ANXA8: variants seen among roughly 807,000 people sequenced by gnomAD.
The protein encoded by ANXA8 is VAC-beta.
ANXA8 carries 9 observed loss-of-function variants against 26.8 expected under a neutral mutation model. That is an observed-to-expected ratio of 0.34 (90% CI 0.20 to 0.59). ANXA8 has a LOEUF of 0.59. Among genes scored for constraint, ANXA8 ranks in the 20% least tolerant of loss-of-function variants. The probability of loss-of-function intolerance (pLI) is 0.84; values close to 1 mark genes in which losing one functional copy is unlikely to be tolerated. For synonymous variants in ANXA8, 39 were observed against 94.8 expected, an observed-to-expected ratio of 0.41 and a Z score of 3.42; for missense variants, 83 against 238.5, an observed-to-expected ratio of 0.35 and a Z score of 4.29.
the ANXA8 span, among the ~76,000 whole-genome samples, chr10:47,967,040 T>C: frequency 0.69 from 101,318 of 146,144 alleles, 35,000 homozygotes; most frequent in Non-Finnish European, 0.8. Context: ...CAGCATTTCA[T>C]ATCAAAGCTC....
At chr10:47,505,404 C>A in the ANXA8 span, among the ~76,000 whole-genome samples, 1 of 114,080 alleles carries the variant, frequency 8.8e-6, no homozygotes, top group Admixed American at 9.8e-5. Flanking sequence ...TTCTTAAGAA[C>A]GTCTTTGATG....
chr10:47,488,872 T>C (rs1189061248), upstream of ANXA8, among the ~76,000 whole-genome samples: 12 of 128,422 alleles, frequency 9.3e-5, no homozygotes, highest in East Asian at 2.8e-4. Context: ...GGACTACAGG[T>C]GCCCGCCACC....
the ANXA8 span, among the ~76,000 whole-genome samples, chr10:47,733,223 CTT>C: frequency 8.6e-3 from 536 of 62,232 alleles, 2 homozygotes; most frequent in Admixed American, 0.013. Flanking sequence ...CTTTCTTTCT[CTT>C]TCTTTCTCTC....
chr10:47,504,846 CTTTTTTT>C, the ANXA8 span, among the ~76,000 whole-genome samples: 32 of 46,698 alleles, frequency 6.9e-4, no homozygotes, highest in Admixed American at 1.2e-3. Context: ...CATAACTGTT[CTTTTTTT>C]TTTTTTTTTT....
At chr10:47,942,466 G>T in the ANXA8 span, among the ~76,000 whole-genome samples, 1 of 141,288 alleles carries the variant, frequency 7.1e-6, no homozygotes, top group Non-Finnish European at 1.5e-5. Context: ...ATGGCATTCT[G>T]TCTGGTGACA....
At chr10:47,510,054 A>C in the ANXA8 span, 4 of 1,486,370 alleles carry the variant, frequency 2.7e-6, no homozygotes, top group Non-Finnish European at 2.7e-6. Context: ...TCAGAATCTG[A>C]ATATCAATAT....
chr10:47,761,092 ACACACACACG>A, the ANXA8 span, among the ~76,000 whole-genome samples: 3 of 106,826 alleles, frequency 2.8e-5, no homozygotes, highest in African/African-American at 6.5e-5. Flanking sequence ...GGCAACACAC[ACACACACACG>A]CACACACACA....
chr10:47,901,066 A>G, the ANXA8 span, among the ~76,000 whole-genome samples: 6 of 138,338 alleles, frequency 4.3e-5, no homozygotes, highest in Admixed American at 1.4e-4. Flanking sequence ...AACTGGCGGG[A>G]AAAAAAAAAG....
the ANXA8 span, among the ~76,000 whole-genome samples, chr10:47,768,302 T>A: frequency 6.6e-6 from 1 of 151,542 alleles, no homozygotes; most frequent in African/African-American, 2.4e-5. Flanking sequence ...GGAACAGCAA[T>A]GTGCTCAGTC....
the ANXA8 span, among the ~76,000 whole-genome samples, chr10:47,671,823 G>A: frequency 6.6e-6 from 1 of 151,354 alleles, no homozygotes; most frequent in Non-Finnish European, 1.5e-5. Flanking sequence ...CTCTAGCAAT[G>A]GAAAAAAATA....
chr10:47,707,167 CAAAA>C, the ANXA8 span, among the ~76,000 whole-genome samples: 1 of 124,134 alleles, frequency 8.1e-6, no homozygotes, highest in African/African-American at 3.5e-5. Flanking sequence ...CTGCAAACCT[CAAAA>C]AAACAAAAAA....
chr10:47,619,828 A>G, the ANXA8 span, among the ~76,000 whole-genome samples: 1 of 114,318 alleles, frequency 8.7e-6, no homozygotes, highest in Non-Finnish European at 1.9e-5. Context: ...TAACAGAAGC[A>G]GATTAATTGA....
chr10:47,497,137 A>G, the ANXA8 span, among the ~76,000 whole-genome samples: 1 of 149,632 alleles, frequency 6.7e-6, no homozygotes, highest in Non-Finnish European at 1.5e-5. Flanking sequence ...CTTGATCAAC[A>G]TGGAGAAACC....
chr10:47,474,041 G>C lies in ANXA8; in HGVS notation c.671C>G (p.Ala224Gly). The C allele has an allele frequency of 1.8e-6, 1 of 547,444 alleles. No individual in the cohort carries two copies. The highest frequency in any genetic ancestry group is 2.0e-5 in the South Asian group (1 of 48,826). 33.9% of individuals were successfully genotyped at this position (547,444 alleles called of 1,614,324 possible). Residue 224 changes from alanine to glycine, a missense_variant, in exon 9 of 12, where the codon GCC becomes GGC. By Grantham distance (60) the Ala-to-Gly change is moderately conservative. Around this residue, in one of 6 missense-constraint regions of ANXA8, gnomAD observed 28 missense variants for 37.7 expected, o/e 0.74. Coordinates refer to ENST00000585281, the MANE Select transcript of ANXA8 (RefSeq NM_001040084.3). ...GATGCTGTCCTCAATGCTCTTGTTG[G>C]CAATTTTCTCATACTCTTCAAACAC... Reference protein sequence around the residue: ...LRVFEEYEKIANKSIEDSIKS... With the variant: ...LRVFEEYEKIGNKSIEDSIKS...
the ANXA8 span, among the ~76,000 whole-genome samples, chr10:47,685,346 CA>C: frequency 0.016 from 1,305 of 82,870 alleles, 19 homozygotes; most frequent in African/African-American, 0.042. Context: ...GAATCTGTCT[CA>C]AAAAAAAAAA....
the ANXA8 span, among the ~76,000 whole-genome samples, chr10:47,733,295 CTTTT>C: frequency 1.8e-5 from 1 of 56,248 alleles, no homozygotes; most frequent in African/African-American, 8.9e-5. Context: ...TTCTTTCTTT[CTTTT>C]TTTTCTTTCT....
At chr10:47,485,467 C>T (rs1468805193), upstream of ANXA8, among the ~76,000 whole-genome samples, 17 of 151,986 alleles carry the variant, frequency 1.1e-4, no homozygotes, top group Non-Finnish European at 2.1e-4. Flanking sequence ...TGGAAAGTGG[C>T]AAGCGTTCCA....
At chr10:47,658,161 A>G in the ANXA8 span, among the ~76,000 whole-genome samples, 1 of 151,860 alleles carries the variant, frequency 6.6e-6, no homozygotes, top group Non-Finnish European at 1.5e-5. Flanking sequence ...CGAGATCAAG[A>G]GATCGAGACC....
At chr10:47,658,397 A>T in the ANXA8 span, among the ~76,000 whole-genome samples, 41 of 150,812 alleles carry the variant, frequency 2.7e-4, 1 homozygote, top group African/African-American at 8.2e-4. Context: ...AAAAAAAAAA[A>T]AATCATGTAT....
Sources: allele counts gnomAD v4.1 joint callset (sites outside exome capture counted in the v4.1 genomes callset), GRCh38; gene constraint gnomAD v4.1.1; regional missense constraint gnomAD v4.1.1; transcripts MANE v1.5; gene names NCBI Gene and HGNC (gene_info 2026-07-23, HGNC 2026-07-21).